Variants in NBAS observed in about 807,000 individuals in gnomAD.
The protein encoded by NBAS is NAG/BC035112 fusion.
NBAS carries 219 observed loss-of-function variants against 302.5 expected under a neutral mutation model. The observed-to-expected ratio is 0.72, with a 90% confidence interval of 0.65 to 0.81. NBAS has a LOEUF of 0.81. Among genes scored for constraint, NBAS ranks in the 30% least tolerant of loss-of-function variants. The pLI, the probability that NBAS is intolerant of heterozygous loss-of-function variation, is 0.00. For synonymous variants in NBAS, 1,118 were observed against 1,021.6 expected (o/e 1.09, Z -1.80); for missense variants, 2,932 against 2,841.6 (o/e 1.03, Z -0.72).
the NBAS span, among the ~76,000 whole-genome samples, chr2:15,153,744 C>A: frequency 6.6e-6 from 1 of 152,180 alleles, no homozygotes. Flanking sequence ...TTATCACCTA[C>A]GTGACCTTGG....
At chr2:15,166,771 C>T (rs1664037719), downstream of NBAS, 1 of 381,206 alleles carries the variant, frequency 2.6e-6, no homozygotes, top group Admixed American at 4.2e-5. Context: ...GTTGTGGACA[C>T]ATTATAAACT....
the NBAS span, among the ~76,000 whole-genome samples, chr2:14,926,896 G>A: frequency 1.8e-4 from 27 of 152,306 alleles, no homozygotes; most frequent in South Asian, 2.1e-4. Context: ...GGGCGACGAC[G>A]CCCAGATGTT....
At chr2:14,839,162 G>T in the NBAS span, among the ~76,000 whole-genome samples, 13 of 151,488 alleles carry the variant, frequency 8.6e-5, no homozygotes, top group Non-Finnish European at 1.3e-4. Context: ...CTAATATGAG[G>T]ATGATACAGT....
chr2:14,960,718 G>C, the NBAS span, among the ~76,000 whole-genome samples: 1 of 152,080 alleles, frequency 6.6e-6, no homozygotes, highest in African/African-American at 2.4e-5. Flanking sequence ...AAAAAAATAA[G>C]GTAGGTCTAA....
the NBAS span, among the ~76,000 whole-genome samples, chr2:15,090,852 G>T: frequency 2.6e-5 from 4 of 152,112 alleles, no homozygotes; most frequent in Non-Finnish European, 4.4e-5. Flanking sequence ...AGCCTAAACC[G>T]CTTGACTTTC....
the NBAS span, among the ~76,000 whole-genome samples, chr2:15,054,047 T>C: frequency 6.6e-6 from 1 of 152,166 alleles, no homozygotes; most frequent in Non-Finnish European, 1.5e-5. Context: ...TGCTTTGTCA[T>C]GGAGGTCAAC....
intron 51 of NBAS, among the ~76,000 whole-genome samples, chr2:15,170,632 C>G (rs1664253063): frequency 1.3e-5 from 2 of 152,164 alleles, no homozygotes; most frequent in East Asian, 3.9e-4. Context: ...GACATTCTAC[C>G]TGGGCCTGGC....
At position 15,363,569 on chromosome 2, in the gene NBAS, T is replaced by C. The variant is rs73914845; in HGVS notation, c.3817+3011A>G. Among the ~76,000 whole-genome samples, 1,472 of 152,320 alleles carry C rather than the reference T, an allele frequency of 9.7e-3. 30 individuals carry two copies. The highest frequency in any genetic ancestry group is 0.034 in the African/African-American group (1,400 of 41,566). Reference sequence around the variant, plus strand: ...AGGATTTAACTTAAAACCTCTTAACTATAAAATCCTCAGTAATTATTTAAC... The same window carrying C: ...AGGATTTAACTTAAAACCTCTTAACCATAAAATCCTCAGTAATTATTTAAC... On this transcript the variant is annotated intron_variant, in intron 32 of 51. Transcript: ENST00000281513.
In NBAS at chr2:15,379,785, T is replaced by A. The variant is rs183391101; in HGVS notation, c.3407A>T (p.His1136Leu). The A allele has an allele frequency of 1.7e-5, 28 of 1,613,964 alleles. No homozygotes were observed. In the East Asian group the frequency reaches 6.0e-4, roughly 35 times the overall value. The change falls in exon 30 of 52, where the codon CAC (histidine) becomes CTC (leucine). Residue 1136 changes from histidine to leucine, a missense_variant. Coordinates refer to ENST00000281513, the MANE Select transcript of NBAS (RefSeq NM_015909.4). ...LLCSSRLENIHLAGQMMHCSA... is the reference protein window; with the variant it reads ...LLCSSRLENILLAGQMMHCSA... Reference sequence around the variant, plus strand: ...GCAGTGCATCATCTGTCCAGCCAGGTGGATGTTTTCAAGGCGACTAGAGCA... The same window carrying A: ...GCAGTGCATCATCTGTCCAGCCAGGAGGATGTTTTCAAGGCGACTAGAGCA...
intron 9 of NBAS, among the ~76,000 whole-genome samples, chr2:15,533,988 T>G (rs1256358236): frequency 6.6e-6 from 1 of 152,134 alleles, no homozygotes; most frequent in Non-Finnish European, 1.5e-5. Flanking sequence ...GTATATGGCT[T>G]CTGTTCTCAA....
chr2:14,917,316 T>G, the NBAS span, among the ~76,000 whole-genome samples: 2 of 152,208 alleles, frequency 1.3e-5, no homozygotes, highest in African/African-American at 4.8e-5. Context: ...GGTTTTGGAC[T>G]GAAAGCCTCA....
chr2:15,440,650 C>G (rs992921576), intron 21 of NBAS, among the ~76,000 whole-genome samples: 3 of 152,212 alleles, frequency 2.0e-5, no homozygotes, highest in Non-Finnish European at 4.4e-5. Context: ...TGGGACAAAG[C>G]TGGATGGAGA....
intron 48 of NBAS, among the ~76,000 whole-genome samples, chr2:15,195,491 T>C (rs1558427415): frequency 1.3e-5 from 2 of 152,068 alleles, no homozygotes. Flanking sequence ...AAAGGGATCC[T>C]TGTGTTGTTG....
intron 44 of NBAS, among the ~76,000 whole-genome samples, chr2:15,263,960 A>C (rs1008399480): frequency 6.6e-6 from 1 of 152,234 alleles, no homozygotes; most frequent in Non-Finnish European, 1.5e-5. Context: ...GCTGTTTATT[A>C]TAAGTTTCTT....
chr2:15,469,222 G>GTTA (rs1427993320), intron 16 of NBAS, among the ~76,000 whole-genome samples: 1 of 152,128 alleles, frequency 6.6e-6, no homozygotes, highest in Non-Finnish European at 1.5e-5. Context: ...TCTGATCTTA[G>GTTA]TTATTTCTTG....
chr2:15,426,463 C>CA (rs1677482922), intron 22 of NBAS, among the ~76,000 whole-genome samples: 1 of 152,168 alleles, frequency 6.6e-6, no homozygotes, highest in Non-Finnish European at 1.5e-5. Context: ...TTGAATATTA[C>CA]ACTTGTTTTT....
intron 32 of NBAS, among the ~76,000 whole-genome samples, chr2:15,361,748 G>T (rs1194914058): frequency 1.3e-5 from 2 of 152,052 alleles, no homozygotes; most frequent in Non-Finnish European, 2.9e-5. Context: ...GGAGGCTGAG[G>T]CAGGCGGATC....
chr2:15,255,811 C>T (rs148775801), intron 44 of NBAS, among the ~76,000 whole-genome samples: 2 of 152,268 alleles, frequency 1.3e-5, no homozygotes, highest in African/African-American at 4.8e-5. Flanking sequence ...AATAGAGTGA[C>T]CTTTCCCCAC....
chr2:15,419,363 A>T (rs1170255403), intron 23 of NBAS, among the ~76,000 whole-genome samples: 3 of 146,608 alleles, frequency 2.0e-5, no homozygotes, highest in East Asian at 2.0e-4. Context: ...GTGTGTGTAG[A>T]AGAATACATT....
Sources: allele counts gnomAD v4.1 joint callset (sites outside exome capture counted in the v4.1 genomes callset), GRCh38; gene constraint gnomAD v4.1.1; transcripts MANE v1.5; gene names NCBI Gene and HGNC (gene_info 2026-07-23, HGNC 2026-07-21).